The following TBC1D5 variants were observed in gnomAD, a reference collection of about 807,000 sequenced individuals.
The protein encoded by TBC1D5 is TBC1 domain family, member 5.
Under a neutral mutation model 100.3 loss-of-function variants are expected in TBC1D5, and 75 were observed. That is an observed-to-expected ratio of 0.75 (90% CI 0.62 to 0.91). The LOEUF (loss-of-function observed/expected upper bound fraction) is 0.91. TBC1D5 is among the 40% of genes least tolerant of loss of function. The probability of loss-of-function intolerance (pLI) is 0.00; values close to 1 mark genes in which losing one functional copy is unlikely to be tolerated. For missense variants in TBC1D5, 910 were observed against 942.4 expected (o/e 0.97, Z 0.45); for synonymous variants, 323 against 325.6 (o/e 0.99, Z 0.09).
At chr3:17,258,977 G>C (rs372160449) in intron 15 of TBC1D5, among the ~76,000 whole-genome samples, 1 of 152,018 alleles carries the variant, frequency 6.6e-6, no homozygotes, top group Non-Finnish European at 1.5e-5. Context: ...ACTGCATTTC[G>C]GGGGAAGAGA....
chr3:17,306,842 T>C (rs1271670919), intron 14 of TBC1D5, among the ~76,000 whole-genome samples: 2 of 152,126 alleles, frequency 1.3e-5, no homozygotes, highest in East Asian at 3.9e-4. Flanking sequence ...AAATCCAGTA[T>C]CCATCAAATC....
intron 21 of TBC1D5, among the ~76,000 whole-genome samples, chr3:17,163,096 G>A (rs1467725920): frequency 6.6e-6 from 1 of 152,174 alleles, no homozygotes; most frequent in African/African-American, 2.4e-5. Flanking sequence ...ATTCTGAAGT[G>A]GAGAAATACT....
At chr3:17,466,815 G>A (rs190179152) in intron 3 of TBC1D5, among the ~76,000 whole-genome samples, 2 of 150,806 alleles carry the variant, frequency 1.3e-5, no homozygotes, top group East Asian at 3.9e-4. Context: ...TTTATCAAAC[G>A]TGACTCAAGT....
chr3:17,699,642 C>A (rs576390705), intron 1 of TBC1D5, among the ~76,000 whole-genome samples: 3 of 123,560 alleles, frequency 2.4e-5, no homozygotes, highest in Non-Finnish European at 5.2e-5. Flanking sequence ...ATATAAAAAT[C>A]ATCAGTTATT....
At chr3:17,712,932 T>C (rs1472948471) in intron 1 of TBC1D5, among the ~76,000 whole-genome samples, 2 of 152,186 alleles carry the variant, frequency 1.3e-5, no homozygotes, top group Non-Finnish European at 2.9e-5. Context: ...TCAAAAGCCA[T>C]TTATGACCCT....
intron 1 of TBC1D5, among the ~76,000 whole-genome samples, chr3:17,652,613 C>G (rs1392491957): frequency 1.3e-5 from 2 of 152,152 alleles, no homozygotes; most frequent in African/African-American, 4.8e-5. Context: ...TAGGTAGAGT[C>G]TGTCAACAAT....
At chr3:17,420,339 T>TA (rs1012465396) in intron 4 of TBC1D5, among the ~76,000 whole-genome samples, 74 of 152,176 alleles carry the variant, frequency 4.9e-4, no homozygotes, top group African/African-American at 1.7e-3. Context: ...CAATCTGATA[T>TA]AAAAAAATAG....
chr3:17,566,867 C>A (rs2096597040), intron 2 of TBC1D5, among the ~76,000 whole-genome samples: 1 of 151,782 alleles, frequency 6.6e-6, no homozygotes, highest in South Asian at 2.1e-4. Context: ...TTCAACTTCA[C>A]TAGACACTAG....
At chr3:17,378,731 C>T (rs1252926202) in intron 9 of TBC1D5, among the ~76,000 whole-genome samples, 1 of 148,998 alleles carries the variant, frequency 6.7e-6, no homozygotes, top group Non-Finnish European at 1.5e-5. Flanking sequence ...CTATAAAGAC[C>T]TTCCTTATAT....
intron 13 of TBC1D5, among the ~76,000 whole-genome samples, chr3:17,338,158 A>G (rs1023047930): frequency 2.0e-5 from 3 of 152,224 alleles, no homozygotes; most frequent in African/African-American, 7.2e-5. Flanking sequence ...AGGGAATCCT[A>G]AAGTTTTAAT....
At chr3:17,571,388 T>C (rs2096626214) in intron 2 of TBC1D5, among the ~76,000 whole-genome samples, 1 of 152,032 alleles carries the variant, frequency 6.6e-6, no homozygotes, top group African/African-American at 2.4e-5. Context: ...TTTGTGCAGC[T>C]CGGCTATTAA....
chr3:17,642,511 T>C (rs1453221949), intron 1 of TBC1D5, among the ~76,000 whole-genome samples: 3 of 152,166 alleles, frequency 2.0e-5, no homozygotes, highest in Non-Finnish European at 4.4e-5. Flanking sequence ...ATTCACTCAC[T>C]TTTGATTTGA....
At chr3:17,723,293 T>C (rs566515145) in intron 1 of TBC1D5, among the ~76,000 whole-genome samples, 1 of 152,190 alleles carries the variant, frequency 6.6e-6, no homozygotes, top group African/African-American at 2.4e-5. Flanking sequence ...TTCATAAATA[T>C]ATACACCTAT....
intron 2 of TBC1D5, among the ~76,000 whole-genome samples, chr3:17,524,057 T>C (rs2096097568): frequency 2.6e-5 from 4 of 152,258 alleles, no homozygotes; most frequent in South Asian, 2.1e-4. Flanking sequence ...GCAGGTATCA[T>C]TTCCTTTTGT....
chr3:17,341,563 A>G (rs968392599), intron 13 of TBC1D5, among the ~76,000 whole-genome samples: 2 of 152,162 alleles, frequency 1.3e-5, no homozygotes, highest in African/African-American at 4.8e-5. Context: ...TGGAGATGCC[A>G]GTTACTTTTA....
At chr3:17,349,458 A>G (rs2090299882) in intron 13 of TBC1D5, among the ~76,000 whole-genome samples, 1 of 152,136 alleles carries the variant, frequency 6.6e-6, no homozygotes, top group Admixed American at 6.5e-5. Context: ...CTACTTTTTA[A>G]ATATCTGGGC....
chr3:17,182,627 G>A (rs996156262), intron 19 of TBC1D5, among the ~76,000 whole-genome samples: 11 of 152,064 alleles, frequency 7.2e-5, no homozygotes, highest in African/African-American at 2.7e-4. Context: ...GAAAACTAAA[G>A]TCAAGTAATG....
intron 3 of TBC1D5, among the ~76,000 whole-genome samples, chr3:17,456,796 G>T (rs2095096185): frequency 6.6e-6 from 1 of 152,152 alleles, no homozygotes; most frequent in African/African-American, 2.4e-5. Flanking sequence ...CAATAAAATG[G>T]AATGCTATTC....
At chr3:17,573,741 G>A (rs1445394588) in intron 2 of TBC1D5, among the ~76,000 whole-genome samples, 1 of 151,748 alleles carries the variant, frequency 6.6e-6, no homozygotes, top group Non-Finnish European at 1.5e-5. Context: ...CACACTCTCA[G>A]GGAAGTTTCC....
Sources: allele counts gnomAD v4.1 joint callset (sites outside exome capture counted in the v4.1 genomes callset), GRCh38; gene constraint gnomAD v4.1.1; transcripts MANE v1.5; gene names NCBI Gene and HGNC (gene_info 2026-07-23, HGNC 2026-07-21).